Variants in DYNC2H1 observed in about 807,000 individuals in gnomAD.
The protein encoded by DYNC2H1 is cytoplasmic dynein 2 heavy chain 1.
Under a neutral mutation model 570.0 loss-of-function variants are expected in DYNC2H1, and 410 were observed. The observed-to-expected ratio is 0.72, with a 90% CI of 0.66 to 0.78. DYNC2H1 has a LOEUF of 0.78. DYNC2H1 is among the 30% of genes least tolerant of loss of function. DYNC2H1 has a pLI of 0.00. For missense variants in DYNC2H1, 4,865 were observed against 5,046.4 expected (o/e 0.96, Z 1.09); for synonymous variants, 1,688 against 1,677.6 (o/e 1.01, Z -0.15).
chr11:103,193,243 T>G (rs146262564), intron 47 of DYNC2H1, among the ~76,000 whole-genome samples: 74 of 152,284 alleles, frequency 4.9e-4, no homozygotes, highest in African/African-American at 1.7e-3. Context: ...TTTGCTTGAC[T>G]TGGAGTGAGG....
At chr11:103,354,803 A>C (rs907670743) in intron 82 of DYNC2H1, among the ~76,000 whole-genome samples, 2 of 130,432 alleles carry the variant, frequency 1.5e-5, no homozygotes, top group African/African-American at 2.6e-5. Context: ...GCTTCTTGTA[A>C]GATCTTTTTT....
intron 87 of DYNC2H1, among the ~76,000 whole-genome samples, chr11:103,466,945 G>T (rs535858062): frequency 6.6e-6 from 1 of 152,080 alleles, no homozygotes; most frequent in Non-Finnish European, 1.5e-5. Flanking sequence ...GGTTATTGAG[G>T]TGTTTTTTTA....
Position 103,203,526 on chromosome 11 carries a change from T to C in DYNC2H1, c.8198-137T>C, listed in dbSNP as rs1862798119. 1.7e-6 allele frequency: 1 copy of C among 588,720 alleles called. No individual in the cohort carries two copies. Among genetic ancestry groups the C allele is most frequent in the Non-Finnish European group, 2.9e-6 (1 of 345,182 alleles). The allele number at this position is 588,720 out of a possible 1,614,324, so 36.5% of individuals were successfully genotyped here. A position where few individuals can be genotyped will look rare whatever the true frequency, so the allele number is the denominator to read the frequency against. On this transcript the variant is annotated intron_variant, in intron 50 of 88. Coordinates refer to ENST00000375735, the MANE Select transcript of DYNC2H1 (RefSeq NM_001377.3). This position sits in a 1 kb window ranked among gnomAD's most constrained non-coding sequence, Gnocchi z 4.7. ...ATCAAATGAGGGCTATAGATAAAGATTTGTGAGTCAAGTAGAGGTAATAAA... is the reference window on the plus strand; with the variant it reads ...ATCAAATGAGGGCTATAGATAAAGACTTGTGAGTCAAGTAGAGGTAATAAA...
At chr11:103,329,364 G>T (rs1354817955) in intron 82 of DYNC2H1, among the ~76,000 whole-genome samples, 1 of 151,630 alleles carries the variant, frequency 6.6e-6, no homozygotes, top group Non-Finnish European at 1.5e-5. Context: ...AAGGAATTGG[G>T]CATTATTCAG....
At chr11:103,410,349 A>C (rs1943031233) in intron 84 of DYNC2H1, among the ~76,000 whole-genome samples, 1 of 151,936 alleles carries the variant, frequency 6.6e-6, no homozygotes, top group South Asian at 2.1e-4. Context: ...AATGTAGCCC[A>C]TTTCTTCCCA....
chr11:103,278,389 A>G (rs375791912), intron 70 of DYNC2H1, among the ~76,000 whole-genome samples: 6 of 152,148 alleles, frequency 3.9e-5, no homozygotes, highest in African/African-American at 1.2e-4. Context: ...ATCTAATCTA[A>G]TTATTAAAAT....
At position 103,416,511 on chromosome 11, in the gene DYNC2H1, C is replaced by A. The variant is rs180741705; in HGVS notation, c.12366+16639C>A. On this transcript the variant is annotated intron_variant, in intron 84 of 88. Coordinates refer to ENST00000375735, the MANE Select transcript of DYNC2H1 (RefSeq NM_001377.3). ...AGACCTCAAAAATAATGCCACATAT[C>A]TACAACCATCTGATGTTTGACAAAC... Among the ~76,000 whole-genome samples, 36 of 152,266 alleles carry A rather than the reference C, an allele frequency of 2.4e-4. No individual in the cohort carries two copies. In the East Asian group the frequency reaches 6.0e-3, roughly 25 times the overall value.
chr11:103,394,282 G>A (rs977620463), intron 83 of DYNC2H1, among the ~76,000 whole-genome samples: 4 of 152,052 alleles, frequency 2.6e-5, no homozygotes, highest in Non-Finnish European at 4.4e-5. Context: ...AAGGAATACG[G>A]ATCTCCGAAT....
intron 40 of DYNC2H1, among the ~76,000 whole-genome samples, chr11:103,183,360 G>A (rs1363406797): frequency 1.3e-5 from 2 of 151,758 alleles, no homozygotes; most frequent in Admixed American, 6.6e-5. Flanking sequence ...ATATATTTAT[G>A]TATATATAGG....
intron 85 of DYNC2H1, among the ~76,000 whole-genome samples, chr11:103,452,341 AT>A (rs397954360): frequency 8.1e-5 from 12 of 148,718 alleles, no homozygotes; most frequent in Non-Finnish European, 7.5e-5. Context: ...GAATCACTTA[AT>A]TTTTTTTTTT....
intron 84 of DYNC2H1, 43 bp from the exon 85 acceptor site, chr11:103,435,900 T>C: frequency 6.4e-7 from 1 of 1,569,290 alleles, no homozygotes; most frequent in African/African-American, 1.3e-5. Flanking sequence ...CTATATGTAG[T>C]ATCATATACA....
chr11:103,447,814 C>T (rs1944477677), intron 85 of DYNC2H1, among the ~76,000 whole-genome samples: 1 of 151,978 alleles, frequency 6.6e-6, no homozygotes, highest in Admixed American at 6.6e-5. Flanking sequence ...TTTGTTTCTT[C>T]TCTGTTTTGT....
In DYNC2H1 at chr11:103,241,572, A is replaced by G; in HGVS notation, c.9820-2121A>G. On this transcript the variant is annotated intron_variant, in intron 63 of 88. Coordinates refer to ENST00000375735, the MANE Select transcript of DYNC2H1 (RefSeq NM_001377.3). This position sits in a 1 kb window ranked among gnomAD's most constrained non-coding sequence, Gnocchi z 5.1. ...GGTAAGAACTTTTTAAAAATTTAAAATAATTACTTTTGTAGTTAGGCAAAA... is the reference window on the plus strand; with the variant it reads ...GGTAAGAACTTTTTAAAAATTTAAAGTAATTACTTTTGTAGTTAGGCAAAA... 6.4e-7 allele frequency: 1 copy of G among 1,553,122 alleles called. No homozygotes were observed. The highest frequency in any genetic ancestry group is 8.8e-7 in the Non-Finnish European group (1 of 1,134,900).
At chr11:103,400,421 A>G (rs1024685326) in intron 84 of DYNC2H1, among the ~76,000 whole-genome samples, 3 of 152,216 alleles carry the variant, frequency 2.0e-5, no homozygotes, top group East Asian at 1.9e-4. Flanking sequence ...TAAGGAAATG[A>G]TGATTACCAG....
At chr11:103,403,070 T>A (rs1942707306) in intron 84 of DYNC2H1, 1 of 152,082 alleles carries the variant, frequency 6.6e-6, no homozygotes. Context: ...GGATCAGGTT[T>A]GTCCTTTAAT....
In DYNC2H1 at chr11:103,203,797, T is replaced by C. The variant is rs1236279323; in HGVS notation, c.8311+21T>C. ...ATATAGTAAGTGACATAGAATTCAT[T>C]AATCAAATCAAACTGGTTTGTATGA... On this transcript the variant is annotated intron_variant, in intron 51 of 88. Transcript: ENST00000375735. This position sits in a 1 kb window ranked among gnomAD's most constrained non-coding sequence, Gnocchi z 4.7. 2 of 1,499,638 alleles carry C rather than the reference T, an allele frequency of 1.3e-6. No individual in the cohort carries two copies. Among genetic ancestry groups the C allele is most frequent in the Admixed American group, 3.7e-5 (2 of 54,246 alleles). The allele number at this position is 1,499,638 out of a possible 1,614,324, so 92.9% of individuals were successfully genotyped here.
Position 103,264,318 on chromosome 11 carries a change from C to T in DYNC2H1, c.10695+4341C>T, listed in dbSNP as rs1486523796. Among the ~76,000 whole-genome samples, 1 of 152,038 alleles carries T rather than the reference C, an allele frequency of 6.6e-6. No individual in the cohort carries two copies. The highest frequency in any genetic ancestry group is 1.5e-5 in the Non-Finnish European group (1 of 68,008). Reference sequence around the variant, plus strand: ...CCATTCCTTCTGAAACTATTCCATGCAATAGAAAAAGAGGGACCCCTACCT... The same window carrying T: ...CCATTCCTTCTGAAACTATTCCATGTAATAGAAAAAGAGGGACCCCTACCT... On this transcript the variant is annotated intron_variant, in intron 70 of 88. Coordinates refer to ENST00000375735, the MANE Select transcript of DYNC2H1 (RefSeq NM_001377.3). This position sits in a 1 kb window ranked among gnomAD's most constrained non-coding sequence, Gnocchi z 4.8.
In DYNC2H1 at chr11:103,294,587, C is replaced by T. The variant is rs576613163; in HGVS notation, c.11095+6982C>T. 2.0e-5 allele frequency among the ~76,000 whole-genome samples: 3 copies of T among 152,274 alleles called. No homozygotes were observed. The South Asian group carries it at 6.2e-4, about 32-fold the overall frequency. On this transcript the variant is annotated intron_variant, in intron 75 of 88. Transcript: ENST00000375735. ...TTCCCCAAGCAAAAGGATTCTTTCT[C>T]TATGCTGGGTTTCCCAGAGTTTGGG... is the stretch of plus-strand genomic sequence containing the variant.
intron 17 of DYNC2H1, among the ~76,000 whole-genome samples, chr11:103,139,592 A>G (rs1329324939): frequency 6.6e-6 from 1 of 151,358 alleles, no homozygotes; most frequent in African/African-American, 2.4e-5. Flanking sequence ...GTTTGTTATA[A>G]TTTCTGTTCT....
Sources: allele counts gnomAD v4.1 joint callset (sites outside exome capture counted in the v4.1 genomes callset), GRCh38; gene constraint gnomAD v4.1.1; non-coding constraint Gnocchi (gnomAD v3.1); transcripts MANE v1.5; gene names NCBI Gene and HGNC (gene_info 2026-07-23, HGNC 2026-07-21).